Variants in NRXN3 observed in about 807,000 individuals in gnomAD.
NRXN3 encodes neurexin III.
In NRXN3, 32 loss-of-function variants were observed where a neutral mutation model predicts 137.6. The ratio of observed to expected loss-of-function variants is 0.23; its 90% CI spans 0.18 to 0.31. The LOEUF (loss-of-function observed/expected upper bound fraction) is 0.31, where lower values mean the gene tolerates loss of function less well. NRXN3 is among the 10% of genes least tolerant of loss of function. NRXN3 has a pLI of 1.00. For missense variants in NRXN3, 1,574 were observed against 2,062.5 expected, an observed-to-expected ratio of 0.76 and a Z score of 4.59; for synonymous variants, 798 against 784.5, an observed-to-expected ratio of 1.02 and a Z score of -0.29.
chr14:79,005,408 A>G (rs1738968084), intron 15 of NRXN3, among the ~76,000 whole-genome samples: 1 of 151,964 alleles, frequency 6.6e-6, no homozygotes. Context: ...AATTGTGACC[A>G]TTTTCTTTTC....
chr14:79,273,718 T>A (rs1056739630), intron 15 of NRXN3, among the ~76,000 whole-genome samples: 9 of 152,168 alleles, frequency 5.9e-5, no homozygotes. Flanking sequence ...AATTTACATG[T>A]ATTAACTTTA....
At chr14:79,026,904 C>G (rs929549831) in intron 15 of NRXN3, among the ~76,000 whole-genome samples, 1 of 143,606 alleles carries the variant, frequency 7.0e-6, no homozygotes, top group African/African-American at 2.6e-5. Context: ...CAGAATCATG[C>G]GTGATCCCAG....
At chr14:78,310,440 T>C (rs1329647845) in intron 4 of NRXN3, among the ~76,000 whole-genome samples, 1 of 152,062 alleles carries the variant, frequency 6.6e-6, no homozygotes, top group East Asian at 1.9e-4. Context: ...GTGGCAGCCA[T>C]TGATCCATCT....
chr14:78,423,685 A>G (rs749894961), intron 4 of NRXN3, among the ~76,000 whole-genome samples: 4 of 152,234 alleles, frequency 2.6e-5, no homozygotes, highest in African/African-American at 4.8e-5. Context: ...TAAGTTTACC[A>G]AGACCCCTTG....
rs77922045 is a variant in NRXN3, at chr14:78,887,130, G to A, written c.2276-70112G>A. On this transcript the variant is annotated intron_variant, in intron 10 of 20. Coordinates refer to ENST00000335750, the MANE Select transcript of NRXN3 (RefSeq NM_001330195.2). ...ATTTAGCACTAACAACTGTGTGCTC[G>A]ACACTGTACCAATATTATTAGAACT... 9.7e-4 allele frequency among the ~76,000 whole-genome samples: 147 copies of A among 152,150 alleles called. 1 individual carries two copies. Among genetic ancestry groups the A allele is most frequent in the African/African-American group, 3.4e-3 (143 of 41,526 alleles).
intron 1 of NRXN3, among the ~76,000 whole-genome samples, chr14:78,226,346 A>G (rs1010327799): frequency 6.6e-6 from 1 of 152,158 alleles, no homozygotes; most frequent in Admixed American, 6.5e-5. Context: ...TGAATGAATA[A>G]GGGCGCGTTG....
chr14:78,925,701 G>A (rs2099286743), intron 10 of NRXN3, among the ~76,000 whole-genome samples: 1 of 152,210 alleles, frequency 6.6e-6, no homozygotes, highest in Admixed American at 6.5e-5. Context: ...CCGAACCAAT[G>A]AGATGATTCA....
At chr14:78,434,250 T>A (rs2093987076) in intron 4 of NRXN3, among the ~76,000 whole-genome samples, 1 of 152,184 alleles carries the variant, frequency 6.6e-6, no homozygotes, top group African/African-American at 2.4e-5. Flanking sequence ...TCTTCCCAAG[T>A]CAGGGACCGT....
chr14:79,765,817 G>A (rs2099054029), intron 19 of NRXN3, among the ~76,000 whole-genome samples: 1 of 152,110 alleles, frequency 6.6e-6, no homozygotes, highest in Admixed American at 6.5e-5. Context: ...GACCAGTAAG[G>A]AAGTAGAAGG....
chr14:78,657,932 G>T (rs1228877450), intron 6 of NRXN3, among the ~76,000 whole-genome samples: 1 of 151,932 alleles, frequency 6.6e-6, no homozygotes, highest in Non-Finnish European at 1.5e-5. Flanking sequence ...TTCTTCTCTG[G>T]ATTTTCTTTT....
intron 17 of NRXN3, among the ~76,000 whole-genome samples, chr14:79,679,338 A>G (rs2098657630): frequency 6.6e-6 from 1 of 152,160 alleles, no homozygotes; most frequent in Admixed American, 6.6e-5. Flanking sequence ...AAAATCACCT[A>G]TAATCTTTAG....
At chr14:78,586,451 A>G (rs1197584104) in intron 4 of NRXN3, among the ~76,000 whole-genome samples, 1 of 152,224 alleles carries the variant, frequency 6.6e-6, no homozygotes, top group Non-Finnish European at 1.5e-5. Flanking sequence ...GTAGTAGCAC[A>G]GGATTGGCAT....
intron 10 of NRXN3, among the ~76,000 whole-genome samples, chr14:78,897,988 T>G (rs2099183098): frequency 6.6e-6 from 1 of 151,998 alleles, no homozygotes; most frequent in Admixed American, 6.6e-5. Flanking sequence ...GTTTTGATGT[T>G]AGAGAACGTA....
At chr14:79,760,507 CAAG>C (rs928240641) in intron 19 of NRXN3, 19 of 135,300 alleles carry the variant, frequency 1.4e-4, no homozygotes, top group African/African-American at 4.2e-4. Context: ...GTTACAAAGA[CAAG>C]AAGAAAAAAG....
rs2098641330 is a variant in NRXN3, at chr14:78,751,397, T to C, written c.2044+36258T>C. On this transcript the variant is annotated intron_variant, in intron 8 of 20. Transcript: ENST00000335750. Reference sequence around the variant, plus strand: ...GTGGTGATGTGCACTTGGGGATAGATTAACTCAGGGGAGGAGTCCAGCTGC... The same window carrying C: ...GTGGTGATGTGCACTTGGGGATAGACTAACTCAGGGGAGGAGTCCAGCTGC... Among the ~76,000 whole-genome samples the C allele has an allele frequency of 2.0e-5, 3 of 152,086 alleles. No homozygotes were observed. In the South Asian group the frequency reaches 6.2e-4, roughly 32 times the overall value.
At chr14:78,707,666 T>C (rs903728122) in intron 6 of NRXN3, among the ~76,000 whole-genome samples, 1 of 152,172 alleles carries the variant, frequency 6.6e-6, no homozygotes, top group Non-Finnish European at 1.5e-5. Flanking sequence ...CCAAGCAGTA[T>C]ACACTGCACC....
intron 4 of NRXN3, among the ~76,000 whole-genome samples, chr14:78,448,793 C>T (rs1026713452): frequency 6.6e-6 from 1 of 152,176 alleles, no homozygotes; most frequent in African/African-American, 2.4e-5. Context: ...TATCCCCTCC[C>T]CTGCCTGCAT....
At chr14:79,337,564 C>G (rs1373850445) in intron 15 of NRXN3, among the ~76,000 whole-genome samples, 1 of 152,130 alleles carries the variant, frequency 6.6e-6, no homozygotes, top group Non-Finnish European at 1.5e-5. Flanking sequence ...GTCTTATTTC[C>G]AAAATTTCAT....
intron 19 of NRXN3, among the ~76,000 whole-genome samples, chr14:79,769,825 T>C (rs1012148469): frequency 6.6e-6 from 1 of 152,154 alleles, no homozygotes; most frequent in African/African-American, 2.4e-5. Context: ...AGACACAGAC[T>C]GGCAAATTGG....
Sources: gnomAD v4.1 joint callset for allele counts (sites outside exome capture counted in the v4.1 genomes callset) on GRCh38, gnomAD v4.1.1 for gene constraint, MANE v1.5 for transcripts, NCBI Gene and HGNC (gene_info 2026-07-23, HGNC 2026-07-21) for gene names.